RAD21L1: variants seen among roughly 807,000 people sequenced by gnomAD.
The protein encoded by RAD21L1 is double-strand-break repair protein rad21-like protein 1.
A neutral mutation model predicts 69.0 loss-of-function variants in RAD21L1; 47 were observed. The observed-to-expected ratio is 0.68, with a 90% CI of 0.54 to 0.87. The LOEUF (loss-of-function observed/expected upper bound fraction) is 0.87. Among genes scored for constraint, RAD21L1 ranks in the 40% least tolerant of loss-of-function variants. The pLI is 0.00. For synonymous variants in RAD21L1, 177 were observed against 205.8 expected (o/e 0.86, Z 1.20); for missense variants, 583 against 647.6 (o/e 0.90, Z 1.08).
In RAD21L1 at chr20:1,248,633, TG is replaced by T; in HGVS notation, c.1410del (p.Ser471AlafsTer19). On this transcript the variant is annotated frameshift_variant, in exon 13 of 14. Coordinates refer to ENST00000683101, the MANE Select transcript of RAD21L1 (RefSeq NM_001384355.1). LOFTEE classifies it high-confidence loss of function. Reference sequence around the variant, plus strand: ...TATCTATCATTCAAACAGGAGTCATTGAGCAATGAAGAAAATATTGAGACAG... The same window carrying T: ...TATCTATCATTCAAACAGGAGTCATTAGCAATGAAGAAAATATTGAGACAG... ...IEYSPVELES[L>X]SNEENIETER... 6.6e-7 allele frequency: 1 copy of T among 1,522,902 alleles called. No homozygotes were observed. The highest frequency in any genetic ancestry group is 8.9e-7 in the Non-Finnish European group (1 of 1,126,008). 94.3% of individuals were successfully genotyped at this position (1,522,902 alleles called of 1,614,324 possible).
rs774688634 is a variant in RAD21L1 at position 1,244,098 on chromosome 20, A to G, written c.1236A>G (p.Gln412=). ...ACCAGCAAGAGTTAAGTAAACCCCA[A>G]ACTTGGAAGGATGTGATTGGTGGAT... is the stretch of plus-strand genomic sequence containing the variant. ...PNYQQELSKP[Q]TWKDVIGGSQ... The change falls in exon 11 of 14, where the codon CAA becomes CAG. Residue 412 remains glutamine, a synonymous_variant. Transcript: ENST00000683101. 13 of 1,549,732 alleles carry G rather than the reference A, an allele frequency of 8.4e-6. No individual in the cohort carries two copies. In the African/African-American group the frequency reaches 1.4e-4, roughly 16 times the overall value.
chr20:1,244,020 T>C, intron 10 of RAD21L1, 26 bp from the exon 11 acceptor site: 5 of 1,541,486 alleles, frequency 3.2e-6, no homozygotes, highest in Non-Finnish European at 4.4e-6. Flanking sequence ...TTTGGTGAAA[T>C]TGTCTTTATT....
chr20:1,230,153 A>G, intron 3 of RAD21L1, 144 bp downstream of exon 3: 1 of 596,192 alleles, frequency 1.7e-6, no homozygotes, highest in Non-Finnish European at 2.7e-6. Context: ...TTGAGGATAA[A>G]TTGTATTCAT....
intron 5 of RAD21L1, among the ~76,000 whole-genome samples, chr20:1,236,354 A>G (rs1270564712): frequency 6.6e-6 from 1 of 152,202 alleles, no homozygotes; most frequent in Non-Finnish European, 1.5e-5. Flanking sequence ...CCTATAACTT[A>G]CTGTATCACA....
intron 1 of RAD21L1, 134 bp from the exon 2 acceptor site, chr20:1,228,288 G>C (rs891880021): frequency 3.2e-5 from 15 of 463,336 alleles, no homozygotes. Flanking sequence ...TTATTTACAA[G>C]AGAATAAATT....
At position 1,230,004 on chromosome 20, in the gene RAD21L1, G is replaced by A. The variant is rs563437729; in HGVS notation, c.269G>A (p.Cys90Tyr). 2 of 1,546,244 alleles carry A rather than the reference G, an allele frequency of 1.3e-6. No individual in the cohort carries two copies. Among genetic ancestry groups the A allele is most frequent in the African/African-American group, 1.4e-5 (1 of 73,058 alleles). The change falls in exon 3 of 14, where the codon TGC becomes TAC. Residue 90 changes from cysteine (C) to tyrosine (Y), a missense_variant. Cys to Tyr is a radical substitution (Grantham distance 194, BLOSUM62 -2). Transcript: ENST00000683101. ...TTTCTTAAAATGAAGATGACATTTT[G>A]CCCAGGTATACATGTAATATTGATT... The part of the protein sequence containing the change: ...EAFLKMKMTF[C>Y]PGLVDLPKEN...
chr20:1,229,510 G>A (rs898471107), intron 2 of RAD21L1, among the ~76,000 whole-genome samples: 1 of 151,996 alleles, frequency 6.6e-6, no homozygotes, highest in Non-Finnish European at 1.5e-5. Flanking sequence ...GCGAGACTCC[G>A]TCTCCAAAAA....
chr20:1,243,323 A>G (rs1168825083), intron 10 of RAD21L1, 127 bp downstream of exon 10: 4 of 538,078 alleles, frequency 7.4e-6, no homozygotes, highest in Non-Finnish European at 1.3e-5. Flanking sequence ...ACTCTGGAAG[A>G]GTAGTGGAAC....
chr20:1,234,022 A>G (rs1178687558), intron 4 of RAD21L1, 63 bp from the exon 5 acceptor site: 12 of 748,462 alleles, frequency 1.6e-5, no homozygotes, highest in East Asian at 2.7e-5. Flanking sequence ...TATATCAATG[A>G]TATTTTTACA....
chr20:1,230,146 A>G, intron 3 of RAD21L1, 137 bp downstream of exon 3: 1 of 624,864 alleles, frequency 1.6e-6, no homozygotes, highest in East Asian at 2.8e-5. Context: ...TCCATGGTTG[A>G]GGATAAATTG....
intron 13 of RAD21L1, among the ~76,000 whole-genome samples, chr20:1,252,950 C>T (rs941679707): frequency 3.9e-5 from 6 of 152,160 alleles, no homozygotes; most frequent in African/African-American, 9.7e-5. Context: ...CACAAATAAA[C>T]GCTTATGTTT....
intron 1 of RAD21L1, among the ~76,000 whole-genome samples, chr20:1,227,750 G>A (rs1345299087): frequency 4.6e-5 from 7 of 151,920 alleles, no homozygotes; most frequent in African/African-American, 7.3e-5. Flanking sequence ...TTCTTTTATC[G>A]TTCTTATTTC....
Position 1,228,593 on chromosome 20 carries a change from C to A in RAD21L1, c.140C>A (p.Pro47His). The change falls in exon 2 of 14, where the codon CCC becomes CAC. Residue 47 changes from proline (P) to histidine (H), a missense_variant. Pro to His is a moderately conservative substitution (Grantham distance 77). Transcript: ENST00000683101. Reference protein sequence around the residue: ...LEITIEKILSPKVKIALRTSG... With the variant: ...LEITIEKILSHKVKIALRTSG... ...ATAACCATTGAAAAAATTCTTTCAC[C>A]CAAGGTATGTTACTGATTAAAATGA... 1 of 1,537,760 alleles carries A rather than the reference C, an allele frequency of 6.5e-7. No homozygotes were observed. Among genetic ancestry groups the A allele is most frequent in the Non-Finnish European group, 8.8e-7 (1 of 1,139,704 alleles).
chr20:1,243,252 G>T, intron 10 of RAD21L1, 56 bp downstream of exon 10: 1 of 850,210 alleles, frequency 1.2e-6, no homozygotes, highest in South Asian at 2.0e-5. Flanking sequence ...ACAAAAATTT[G>T]ATGTTTTAAA....
rs1019378522 is a variant in RAD21L1 at position 1,242,831 on chromosome 20, G to C, written c.1069G>C (p.Ala357Pro). Residue 357 changes from alanine to proline, a missense_variant, in exon 9 of 14, where the codon GCT becomes CCT. Coordinates refer to ENST00000683101, the MANE Select transcript of RAD21L1 (RefSeq NM_001384355.1). ...AACTGCTGCCCAGGATTTGATTCAT[G>C]CTGAACTGAAAATGGTAACGGTTCC... is the stretch of plus-strand genomic sequence containing the variant. ...LSTAAQDLIH[A>P]ELKMLFTKCF... 2.6e-6 allele frequency: 4 copies of C among 1,550,564 alleles called. No individual in the cohort carries two copies. In the African/African-American group the frequency reaches 5.5e-5, roughly 21 times the overall value.
chr20:1,246,634 CA>C lies in RAD21L1; in HGVS notation c.1401+330del, dbSNP rs2087723546. Among the ~76,000 whole-genome samples, 1 of 152,052 alleles carries C rather than the reference CA, an allele frequency of 6.6e-6. No homozygotes were observed. The highest frequency in any genetic ancestry group is 1.5e-5 in the Non-Finnish European group (1 of 67,960). On this transcript the variant is annotated intron_variant, in intron 12 of 13. Transcript: ENST00000683101. The surrounding 1 kb of genome is among the most constrained non-coding windows in gnomAD (Gnocchi z 4.6). ...TATTGATATAACATCTCTAAAGAAA[CA>C]GAACTATATTAAGAGTATGGCCTAG...
At chr20:1,242,990 A>G in intron 9 of RAD21L1, 107 bp from the exon 10 acceptor site, 2 of 908,866 alleles carry the variant, frequency 2.2e-6, no homozygotes, top group African/African-American at 1.7e-5. Flanking sequence ...AATTTTCTGT[A>G]TTGTGTGTAT....
rs192993695 is a variant in RAD21L1, at chr20:1,254,188, G to A, written c.1480-81G>A. On this transcript the variant is annotated intron_variant, in intron 13 of 13. Transcript: ENST00000683101. Reference sequence around the variant, plus strand: ...TTATCCAAAATGTCAATATTTTGTTGTTTATTACGCATTTATAGCCGGCTT... The same window carrying A: ...TTATCCAAAATGTCAATATTTTGTTATTTATTACGCATTTATAGCCGGCTT... The A allele has an allele frequency of 3.3e-6, 3 of 917,386 alleles. No individual in the cohort carries two copies. The East Asian group carries it at 8.3e-5, about 25-fold the overall frequency. The allele number at this position is 917,386 out of a possible 1,614,324, so 56.8% of individuals were successfully genotyped here.
At chr20:1,227,003 G>A (rs942157944) in intron 1 of RAD21L1, among the ~76,000 whole-genome samples, 1 of 152,090 alleles carries the variant, frequency 6.6e-6, no homozygotes, top group Non-Finnish European at 1.5e-5. Flanking sequence ...TCCGTCTCCC[G>A]GGTTCGAGCG....
Sources: gnomAD v4.1 joint callset for allele counts (sites outside exome capture counted in the v4.1 genomes callset) on GRCh38, gnomAD v4.1.1 for gene constraint, Gnocchi (gnomAD v3.1) non-coding constraint, MANE v1.5 for transcripts, NCBI Gene and HGNC (gene_info 2026-07-23, HGNC 2026-07-21) for gene names.